CECR2: variants seen among roughly 807,000 people sequenced by gnomAD.
CECR2 encodes the protein chromatin remodeling regulator CECR2.
A neutral mutation model predicts 154.5 loss-of-function variants in CECR2; 30 were observed. The observed-to-expected ratio is 0.19, with a 90% confidence interval of 0.15 to 0.26. CECR2 has a LOEUF of 0.26. Among genes scored for constraint, CECR2 ranks in the 10% least tolerant of loss-of-function variants. The probability of loss-of-function intolerance (pLI) is 1.00; values close to 1 mark genes in which losing one functional copy is unlikely to be tolerated. For missense variants in CECR2, 1,743 were observed against 1,829.3 expected (o/e 0.95, Z 0.86); for synonymous variants, 725 against 683.7 (o/e 1.06, Z -0.94).
At chr22:17,509,595 A>T (rs2055905998) in intron 7 of CECR2, among the ~76,000 whole-genome samples, 1 of 151,880 alleles carries the variant, frequency 6.6e-6, no homozygotes, top group African/African-American at 2.4e-5. Flanking sequence ...CGCCCAGTTA[A>T]TTTTTTAATT....
At chr22:17,490,147 T>TGTGTGTGTGTGTG (rs1555917191) in intron 2 of CECR2, among the ~76,000 whole-genome samples, 1 of 149,676 alleles carries the variant, frequency 6.7e-6, no homozygotes, top group African/African-American at 2.5e-5. Flanking sequence ...TGTTTTTTTT[T>TGTGTGTGTGTGTG]TGTGTGTGTG....
At chr22:17,445,939 C>T (rs1315824754) in intron 1 of CECR2, among the ~76,000 whole-genome samples, 13 of 152,124 alleles carry the variant, frequency 8.5e-5, no homozygotes, top group Non-Finnish European at 2.9e-5. Flanking sequence ...ATGCTATATG[C>T]ATAGCTGTTA....
chr22:17,377,114 T>C lies in CECR2; in HGVS notation c.126+7205T>C, dbSNP rs144277383. 3.9e-3 allele frequency among the ~76,000 whole-genome samples: 590 copies of C among 152,314 alleles called. 2 individuals carry two copies. Among genetic ancestry groups the C allele is most frequent in the Non-Finnish European group, 7.2e-3 (489 of 68,020 alleles). On this transcript the variant is annotated intron_variant, in intron 1 of 18. Transcript: ENST00000262608. The stretch of plus-strand genomic sequence containing the variant: ...TTCTAGAAATGTTTCTCAGCATGCA[T>C]AACACTCTTAACTAATCTAGAAAAT...
intron 1 of CECR2, among the ~76,000 whole-genome samples, chr22:17,381,886 T>A (rs2063195698): frequency 8.0e-6 from 1 of 124,798 alleles, no homozygotes; most frequent in East Asian, 2.9e-4. Context: ...GCCCCCACAT[T>A]TTTTTTTTTT....
chr22:17,428,163 T>A (rs2054360195), intron 1 of CECR2: 1 of 152,242 alleles, frequency 6.6e-6, no homozygotes. Context: ...TGCCCACTTT[T>A]TGATGGGGTT....
intron 1 of CECR2, among the ~76,000 whole-genome samples, chr22:17,469,871 G>C (rs868596623): frequency 1.8e-4 from 27 of 152,154 alleles, no homozygotes; most frequent in African/African-American, 6.5e-4. Context: ...TGCCTCTGCC[G>C]TGGCGTCCAT....
chr22:17,401,553 CT>C (rs1321435792), intron 1 of CECR2, among the ~76,000 whole-genome samples: 1 of 152,030 alleles, frequency 6.6e-6, no homozygotes, highest in East Asian at 1.9e-4. Flanking sequence ...ATTTCCTAGA[CT>C]TTTACATGAG....
chr22:17,418,276 C>T (rs1400670286), intron 1 of CECR2, among the ~76,000 whole-genome samples: 1 of 152,186 alleles, frequency 6.6e-6, no homozygotes, highest in Non-Finnish European at 1.5e-5. Flanking sequence ...TGCCGTTTTA[C>T]TTGTCCTTCC....
intron 1 of CECR2, chr22:17,419,167 G>GC (rs1344293504): frequency 6.5e-6 from 1 of 153,672 alleles, no homozygotes; most frequent in Non-Finnish European, 1.4e-5. Context: ...GGTCCCTGAA[G>GC]CCCCCGCGGG....
At chr22:17,506,497 G>A (rs2055847804) in intron 7 of CECR2, among the ~76,000 whole-genome samples, 1 of 152,090 alleles carries the variant, frequency 6.6e-6, no homozygotes, top group South Asian at 2.1e-4. Flanking sequence ...CTACGTCCAT[G>A]AACTGTCCTT....
intron 1 of CECR2, among the ~76,000 whole-genome samples, chr22:17,415,280 C>G (rs1010348301): frequency 1.3e-5 from 2 of 152,032 alleles, no homozygotes; most frequent in African/African-American, 4.8e-5. Flanking sequence ...CTCTGTCGCC[C>G]AGGCTGGAAT....
At position 17,419,551 on chromosome 22, in the gene CECR2, AGGAGGAGGAG is replaced by A. The variant is rs1569070713; in HGVS notation, c.126+49644_126+49653del. 2.3e-5 allele frequency: 5 copies of A among 214,824 alleles called. No homozygotes were observed. The African/African-American group carries it at 2.8e-4, about 12-fold the overall frequency. 13.3% of individuals were successfully genotyped at this position (214,824 alleles called of 1,614,324 possible). On this transcript the variant is annotated intron_variant, in intron 1 of 18. Transcript: ENST00000262608. ...GAAGAGGAAGAGGAAGAGGAAGAGG[AGGAGGAGGAG>A]GAGGAAGAAAAGAAGAAGAAGAAGA...
intron 9 of CECR2, among the ~76,000 whole-genome samples, chr22:17,527,229 T>C (rs187889565): frequency 2.9e-3 from 442 of 151,956 alleles, no homozygotes; most frequent in Non-Finnish European, 5.3e-3. Flanking sequence ...AGGCCAAGGC[T>C]GGCAGATTGT....
chr22:17,476,469 C>T (rs966680655), intron 1 of CECR2, among the ~76,000 whole-genome samples: 6 of 151,788 alleles, frequency 4.0e-5, no homozygotes, highest in Non-Finnish European at 8.8e-5. Flanking sequence ...ACCATGTTGG[C>T]TAGACTGGTC....
chr22:17,460,059 C>T (rs1387549999), intron 1 of CECR2, among the ~76,000 whole-genome samples: 1 of 152,258 alleles, frequency 6.6e-6, no homozygotes, highest in East Asian at 1.9e-4. Flanking sequence ...ACTACATATT[C>T]GTGTAACCAT....
rs568662734 is a variant in CECR2 at position 17,542,315 on chromosome 22, T to C, written c.2172T>C (p.Tyr724=). 13 of 1,612,942 alleles carry C rather than the reference T, an allele frequency of 8.1e-6. No individual in the cohort carries two copies. In the African/African-American group the frequency reaches 9.3e-5, roughly 12 times the overall value. ...GCCCAAGTCAGGATGGAAGCATGTATGCTCCAGCTCAGTTCCAGCCAGGAT... is the reference window on the plus strand; with the variant it reads ...GCCCAAGTCAGGATGGAAGCATGTACGCTCCAGCTCAGTTCCAGCCAGGAT... ...ISGPSQDGSM[Y]APAQFQPGFI... is the part of the protein sequence containing the mutation. The change falls in exon 16 of 19, where the codon TAT becomes TAC. Residue 724 remains tyrosine (Y), a synonymous_variant. Coordinates refer to ENST00000262608, the MANE Select transcript of CECR2 (RefSeq NM_001290047.2).
chr22:17,413,763 G>A (rs540629857), intron 1 of CECR2, among the ~76,000 whole-genome samples: 3 of 151,626 alleles, frequency 2.0e-5, no homozygotes, highest in Non-Finnish European at 2.9e-5. Context: ...TGCAAGCTCC[G>A]CCTCCCATGT....
chr22:17,433,748 C>T (rs2146644048), intron 1 of CECR2, among the ~76,000 whole-genome samples: 1 of 152,282 alleles, frequency 6.6e-6, no homozygotes. Context: ...TACGTGGCCT[C>T]CTATCTTCAC....
chr22:17,547,672 G>C (rs1287419245), intron 16 of CECR2, among the ~76,000 whole-genome samples: 1 of 152,184 alleles, frequency 6.6e-6, no homozygotes, highest in Non-Finnish European at 1.5e-5. Context: ...CCCTCCTGTG[G>C]AGCTTTTATT....
Sources: allele counts gnomAD v4.1 joint callset (sites outside exome capture counted in the v4.1 genomes callset), GRCh38; gene constraint gnomAD v4.1.1; transcripts MANE v1.5; gene names NCBI Gene and HGNC (gene_info 2026-07-23, HGNC 2026-07-21).